Variants in MARCHF7 observed in about 807,000 individuals in gnomAD.
MARCHF7 encodes the protein membrane associated ring-CH-type finger 7, also known as E3 ubiquitin-protein ligase MARCHF7.
MARCHF7 carries 20 observed loss-of-function variants against 76.5 expected under a neutral mutation model. That is an observed-to-expected ratio of 0.26 (90% CI 0.18 to 0.38). The LOEUF (loss-of-function observed/expected upper bound fraction) is 0.38, where lower values mean the gene tolerates loss of function less well. MARCHF7 is among the 10% of genes least tolerant of loss of function. The pLI is 1.00. For synonymous variants in MARCHF7, 295 were observed against 293.0 expected (o/e 1.01, Z -0.07); for missense variants, 797 against 812.9 (o/e 0.98, Z 0.24).
At position 159,748,600 on chromosome 2, in the gene MARCHF7, A is replaced by G. The variant is rs1705187072; in HGVS notation, c.1310A>G (p.Gln437Arg). The change falls in exon 7 of 12, where the codon CAG becomes CGG. Residue 437 changes from glutamine (Q) to arginine (R), a missense_variant. Gln to Arg is a conservative substitution (Grantham distance 43). Around this residue, in one of 3 missense-constraint regions of MARCHF7, gnomAD observed 643 missense variants for 631.5 expected, o/e 1.02. Transcript: ENST00000409175. ...AATGAAGTGGTTCACCTTGAAGCAC[A>G]GAATGATCCTCTTGGAGCTGCTGCC... ...ESNEVVHLEAQNDPLGAAANR... is the reference protein window; with the variant it reads ...ESNEVVHLEARNDPLGAAANR... The G allele has an allele frequency of 1.9e-6, 3 of 1,614,266 alleles. No homozygotes were observed. Among genetic ancestry groups the G allele is most frequent in the Non-Finnish European group, 2.5e-6 (3 of 1,180,032 alleles).
Position 159,769,964 on chromosome 2 carries a change from ATTTAC to A in MARCHF7, c.*2625_*2629del, listed in dbSNP as rs1245958931. The A allele has an allele frequency of 3.9e-5, 6 of 152,200 alleles. No homozygotes were observed. Among genetic ancestry groups the A allele is most frequent in the Non-Finnish European group, 4.4e-5 (3 of 68,048 alleles). 9.4% of individuals were successfully genotyped at this position (152,200 alleles called of 1,614,324 possible). A position where few individuals can be genotyped will look rare whatever the true frequency, so the allele number is the denominator to read the frequency against. On this transcript the variant is annotated 3_prime_UTR_variant, in exon 12 of 12. Coordinates refer to ENST00000409175, the MANE Select transcript of MARCHF7 (RefSeq NM_001282805.2). ...ATTCGAAAACTGGATTTTAAACTAA[ATTTAC>A]TTAAATAGCCTCATGTGGCTAGTGG...
chr2:159,753,579 A>G (rs1705932169), intron 8 of MARCHF7, among the ~76,000 whole-genome samples: 1 of 151,996 alleles, frequency 6.6e-6, no homozygotes, highest in South Asian at 2.1e-4. Flanking sequence ...GATGAGAAAG[A>G]TTAGCAGAAG....
chr2:159,722,715 T>C (rs1701768426), intron 3 of MARCHF7, among the ~76,000 whole-genome samples: 1 of 152,242 alleles, frequency 6.6e-6, no homozygotes, highest in Non-Finnish European at 1.5e-5. Flanking sequence ...TTTTTCACTA[T>C]ATTTTGTGCT....
chr2:159,733,835 C>T (rs1703118090), intron 4 of MARCHF7: 1 of 1,172,110 alleles, frequency 8.5e-7, no homozygotes, highest in Non-Finnish European at 1.1e-6. Context: ...GTTTCTCTCA[C>T]TTACACGATT....
At position 159,742,817 on chromosome 2, in the gene MARCHF7, A is replaced by G. The variant is rs575423307; in HGVS notation, c.154-244A>G. Among the ~76,000 whole-genome samples, 3 of 152,206 alleles carry G rather than the reference A, an allele frequency of 2.0e-5. No homozygotes were observed. The South Asian group carries it at 6.2e-4, about 32-fold the overall frequency. ...CCGGGCGTGGTGGCACACACCTGTA[A>G]TGCCAGCTACTCAGGAGGCTGAGGC... On this transcript the variant is annotated intron_variant, in intron 4 of 11. Transcript: ENST00000409175.
rs760907513 is a variant in MARCHF7 at position 159,734,817 on chromosome 2, G to GAA, written c.153+5660_153+5661dup. 7.8e-4 allele frequency among the ~76,000 whole-genome samples: 43 copies of GAA among 55,274 alleles called. 1 individual carries two copies. The highest frequency in any genetic ancestry group is 1.6e-3 in the Admixed American group (8 of 4,976). 36.3% of individuals were successfully genotyped at this position (55,274 alleles called of 152,430 possible). A position where few individuals can be genotyped will look rare whatever the true frequency, so the allele number is the denominator to read the frequency against. ...TGGGACCCCTCTCTAAAAATAAAAT[G>GAA]AAAAAAAAAAAAAAAAAAAGCCAGG... On this transcript the variant is annotated intron_variant, in intron 4 of 11. Transcript: ENST00000409175.
chr2:159,770,187 C>T lies in MARCHF7; in HGVS notation c.*2845C>T, dbSNP rs1560037299. The T allele has an allele frequency of 6.6e-6, 1 of 152,028 alleles. No homozygotes were observed. Among genetic ancestry groups the T allele is most frequent in the East Asian group, 1.9e-4 (1 of 5,182 alleles). The allele number at this position is 152,028 out of a possible 1,614,324, so 9.4% of individuals were successfully genotyped here. On this transcript the variant is annotated 3_prime_UTR_variant, in exon 12 of 12. Transcript: ENST00000409175. ...GTACAATTTGGGTAGGAAAACCAGGCAGGAATTCCAGGGTAGTGTTCAATA... is the reference window on the plus strand; with the variant it reads ...GTACAATTTGGGTAGGAAAACCAGGTAGGAATTCCAGGGTAGTGTTCAATA...
At chr2:159,757,948 A>G (rs1706542654) in intron 8 of MARCHF7, among the ~76,000 whole-genome samples, 1 of 152,226 alleles carries the variant, frequency 6.6e-6, no homozygotes, top group Non-Finnish European at 1.5e-5. Context: ...GAAAATGTAC[A>G]TAAGTTACTG....
At chr2:159,752,297 A>T in intron 7 of MARCHF7, 105 bp from the exon 8 acceptor site, 1 of 1,030,674 alleles carries the variant, frequency 9.7e-7, no homozygotes. Flanking sequence ...ACCCAGAGAC[A>T]GTGTGAGTAG....
chr2:159,754,768 G>T (rs1706083846), intron 8 of MARCHF7, among the ~76,000 whole-genome samples: 4 of 152,092 alleles, frequency 2.6e-5, no homozygotes, highest in Admixed American at 2.6e-4. Context: ...GTGTTGATCA[G>T]TTTGTTGCTT....
intron 3 of MARCHF7, among the ~76,000 whole-genome samples, chr2:159,719,392 C>T (rs1483756791): frequency 6.6e-6 from 1 of 152,050 alleles, no homozygotes; most frequent in Non-Finnish European, 1.5e-5. Flanking sequence ...CCCCCACCAC[C>T]ACCCCGCCCA....
At chr2:159,766,385 G>A (rs79555287) in intron 11 of MARCHF7, among the ~76,000 whole-genome samples, 5 of 152,030 alleles carry the variant, frequency 3.3e-5, no homozygotes, top group African/African-American at 4.8e-5. Context: ...TCTGTGCTTT[G>A]CCCTAGGTTG....
At chr2:159,742,156 A>G (rs2125539306) in intron 4 of MARCHF7, among the ~76,000 whole-genome samples, 1 of 152,262 alleles carries the variant, frequency 6.6e-6, no homozygotes, top group African/African-American at 2.4e-5. Flanking sequence ...TTGTGTACAT[A>G]TATGTTAAAA....
At chr2:159,719,000 T>C (rs558697613) in intron 3 of MARCHF7, among the ~76,000 whole-genome samples, 3 of 152,124 alleles carry the variant, frequency 2.0e-5, no homozygotes, top group Admixed American at 6.6e-5. Flanking sequence ...CTTATTATTA[T>C]TATTTTCAGA....
intron 4 of MARCHF7, among the ~76,000 whole-genome samples, chr2:159,740,466 G>T (rs1312533476): frequency 6.6e-6 from 1 of 152,168 alleles, no homozygotes; most frequent in Non-Finnish European, 1.5e-5. Flanking sequence ...CTGGTCAAAA[G>T]TGACAGTTCT....
rs374336265 is a variant in MARCHF7, at chr2:159,724,789, C to T, written c.-14-4220C>T. Among the ~76,000 whole-genome samples the T allele has an allele frequency of 6.6e-5, 10 of 152,230 alleles. No individual in the cohort carries two copies. The South Asian group carries it at 2.1e-3, about 32-fold the overall frequency. The stretch of plus-strand genomic sequence containing the variant: ...TGTTGGTGTGCTGCACCCATTAACT[C>T]GTCATTTGCAATAGATATTTCTCTT... On this transcript the variant is annotated intron_variant, in intron 3 of 11. Transcript: ENST00000409175.
At position 159,729,132 on chromosome 2, in the gene MARCHF7, A is replaced by C. The variant is rs200535190; in HGVS notation, c.110A>C (p.Tyr37Ser). Residue 37 changes from tyrosine to serine, a missense_variant, in exon 4 of 12, where the codon TAT becomes TCT. By Grantham distance (144) the Tyr-to-Ser change is moderately radical (BLOSUM62 -2). Coordinates refer to ENST00000409175, the MANE Select transcript of MARCHF7 (RefSeq NM_001282805.2). Reference protein sequence around the residue: ...GSRGSSLNDTYHSRDSSFRLD... With the variant: ...GSRGSSLNDTSHSRDSSFRLD... ...AGAGGAAGTAGTTTAAATGATACCTATCACTCAAGAGACTCTTCATTTAGA... is the reference window on the plus strand; with the variant it reads ...AGAGGAAGTAGTTTAAATGATACCTCTCACTCAAGAGACTCTTCATTTAGA... 6.2e-7 allele frequency: 1 copy of C among 1,610,238 alleles called. No homozygotes were observed. Among genetic ancestry groups the C allele is most frequent in the Admixed American group, 1.7e-5 (1 of 59,454 alleles).
chr2:159,748,283 A>G lies in MARCHF7; in HGVS notation c.993A>G (p.Pro331=). 6.2e-7 allele frequency: 1 copy of G among 1,613,440 alleles called. No individual in the cohort carries two copies. The highest frequency in any genetic ancestry group is 8.5e-7 in the Non-Finnish European group (1 of 1,179,950). Residue 331 remains proline (P), a synonymous_variant, in exon 7 of 12, where the codon CCA becomes CCG. Transcript: ENST00000409175. The part of the protein sequence containing the change: ...LTASQSRSNV[P]SASEVPDNRA... ...CTTCACAGTCCCGTAGTAATGTACC[A>G]TCAGCTTCTGAAGTTCCCGATAATA... is the stretch of plus-strand genomic sequence containing the variant.
At chr2:159,714,081 G>T (rs558144448) in intron 1 of MARCHF7, among the ~76,000 whole-genome samples, 1 of 152,260 alleles carries the variant, frequency 6.6e-6, no homozygotes, top group Non-Finnish European at 1.5e-5. Flanking sequence ...GTCAGGTAAC[G>T]AACTTGGACA....
Sources: allele counts gnomAD v4.1 joint callset (sites outside exome capture counted in the v4.1 genomes callset), GRCh38; gene constraint gnomAD v4.1.1; regional missense constraint gnomAD v4.1.1; transcripts MANE v1.5; gene names NCBI Gene and HGNC (gene_info 2026-07-23, HGNC 2026-07-21).